Variants in HIVEP3 observed in about 807,000 individuals in gnomAD.
The protein encoded by HIVEP3 is HIVEP zinc finger 3.
A neutral mutation model predicts 152.8 loss-of-function variants in HIVEP3; 49 were observed. The ratio of observed to expected loss-of-function variants is 0.32; its 90% CI spans 0.26 to 0.41. HIVEP3 has a LOEUF of 0.41. Among genes scored for constraint, HIVEP3 ranks in the 10% least tolerant of loss-of-function variants. HIVEP3 has a pLI of 1.00. For synonymous variants in HIVEP3, 1,269 were observed against 1,289.0 expected (o/e 0.98, Z 0.33); for missense variants, 2,790 against 3,103.3 (o/e 0.90, Z 2.40).
intron 1 of HIVEP3, among the ~76,000 whole-genome samples, chr1:42,000,968 T>C (rs1480651620): frequency 6.6e-6 from 1 of 152,234 alleles, no homozygotes; most frequent in Non-Finnish European, 1.5e-5. Flanking sequence ...CTAAGTGCGT[T>C]ACATATAGTA....
At chr1:41,796,116 G>A (rs1007065039) in intron 1 of HIVEP3, among the ~76,000 whole-genome samples, 3 of 152,268 alleles carry the variant, frequency 2.0e-5, no homozygotes, top group Admixed American at 6.5e-5. Context: ...CTATCTGTAC[G>A]TATATTAAAA....
At chr1:41,570,150 G>A (rs571840727) in intron 5 of HIVEP3, among the ~76,000 whole-genome samples, 114 of 152,278 alleles carry the variant, frequency 7.5e-4, no homozygotes, top group African/African-American at 2.6e-3. Context: ...GGAAGAGCAC[G>A]GAGCCTGGGG....
chr1:41,803,486 C>T (rs1306299858), intron 1 of HIVEP3, among the ~76,000 whole-genome samples: 1 of 152,172 alleles, frequency 6.6e-6, no homozygotes. Flanking sequence ...ACAGGATTGG[C>T]CCTGACATGT....
chr1:41,908,086 G>A (rs543194817), intron 1 of HIVEP3, among the ~76,000 whole-genome samples: 1 of 151,986 alleles, frequency 6.6e-6, no homozygotes, highest in Admixed American at 6.6e-5. Context: ...CAAAAAAATA[G>A]GCATCCATAA....
chr1:41,937,015 T>C (rs991651400), intron 1 of HIVEP3, among the ~76,000 whole-genome samples: 1 of 152,196 alleles, frequency 6.6e-6, no homozygotes, highest in African/African-American at 2.4e-5. Flanking sequence ...AATAAAACAG[T>C]GCATGCTAGT....
chr1:41,643,410 A>G (rs753824361), intron 2 of HIVEP3, among the ~76,000 whole-genome samples: 6 of 152,146 alleles, frequency 3.9e-5, no homozygotes, highest in Non-Finnish European at 5.9e-5. Context: ...TCCCGTCTGT[A>G]CCCCCAGTGC....
intron 1 of HIVEP3, among the ~76,000 whole-genome samples, chr1:41,736,008 T>C (rs988436388): frequency 2.6e-5 from 4 of 152,114 alleles, no homozygotes; most frequent in Admixed American, 2.0e-4. Flanking sequence ...AAAAAATGAT[T>C]TGTGGGTGTG....
intron 1 of HIVEP3, among the ~76,000 whole-genome samples, chr1:41,711,747 C>T (rs1431476258): frequency 6.6e-6 from 1 of 152,174 alleles, no homozygotes; most frequent in Non-Finnish European, 1.5e-5. Context: ...CTGTGTTGAG[C>T]GGCCCGAGTG....
At chr1:41,834,986 T>C (rs1458376546) in intron 1 of HIVEP3, among the ~76,000 whole-genome samples, 2 of 152,018 alleles carry the variant, frequency 1.3e-5, no homozygotes, top group African/African-American at 4.8e-5. Context: ...TGGGCCACAG[T>C]GGTCATGGCA....
At chr1:41,891,484 T>C (rs1644445863) in intron 1 of HIVEP3, among the ~76,000 whole-genome samples, 1 of 152,076 alleles carries the variant, frequency 6.6e-6, no homozygotes, top group African/African-American at 2.4e-5. Flanking sequence ...CACAGCAAGG[T>C]CCATGCTGCA....
chr1:41,652,704 G>A (rs1377667783), intron 2 of HIVEP3, among the ~76,000 whole-genome samples: 1 of 152,190 alleles, frequency 6.6e-6, no homozygotes, highest in Admixed American at 6.5e-5. Context: ...CAGGCACACT[G>A]ACCAATAAAG....
At chr1:41,992,554 A>G (rs61773871) in intron 1 of HIVEP3, among the ~76,000 whole-genome samples, 5 of 149,366 alleles carry the variant, frequency 3.3e-5, no homozygotes, top group Admixed American at 1.3e-4. Flanking sequence ...AATCAATATC[A>G]TGAAAATGAC....
At chr1:41,929,407 T>C (rs1212576468) in intron 1 of HIVEP3, among the ~76,000 whole-genome samples, 4 of 152,092 alleles carry the variant, frequency 2.6e-5, no homozygotes, top group Non-Finnish European at 5.9e-5. Flanking sequence ...CCCATTGTTG[T>C]TGTTGTTGTT....
intron 1 of HIVEP3, among the ~76,000 whole-genome samples, chr1:41,843,905 C>G (rs648198): frequency 0.017 from 2,514 of 151,790 alleles, 39 homozygotes; most frequent in Non-Finnish European, 0.021. Context: ...ATCCCTCCCC[C>G]CTCCGTGTGT....
chr1:41,724,248 C>A (rs940415699), intron 1 of HIVEP3, among the ~76,000 whole-genome samples: 1 of 152,182 alleles, frequency 6.6e-6, no homozygotes, highest in Non-Finnish European at 1.5e-5. Flanking sequence ...TCTACAAATG[C>A]AGCTTCAAGA....
chr1:41,668,198 G>C (rs1004797364), intron 2 of HIVEP3, among the ~76,000 whole-genome samples: 2 of 152,240 alleles, frequency 1.3e-5, no homozygotes, highest in African/African-American at 4.8e-5. Context: ...AGACAAATGA[G>C]GCCTGAAGGA....
intron 2 of HIVEP3, among the ~76,000 whole-genome samples, chr1:41,631,893 T>C (rs1284381132): frequency 6.6e-6 from 1 of 152,124 alleles, no homozygotes; most frequent in African/African-American, 2.4e-5. Flanking sequence ...ACAAACACAA[T>C]CTACAGTTTC....
intron 5 of HIVEP3, among the ~76,000 whole-genome samples, chr1:41,563,043 G>A (rs978199995): frequency 6.6e-6 from 1 of 152,016 alleles, no homozygotes; most frequent in Non-Finnish European, 1.5e-5. Context: ...GGCATGGCAG[G>A]GGTGCCATAA....
At chr1:41,938,555 G>T (rs1294637929) in intron 1 of HIVEP3, among the ~76,000 whole-genome samples, 1 of 152,184 alleles carries the variant, frequency 6.6e-6, no homozygotes. Flanking sequence ...CACTCAAAAA[G>T]AAAGTAAGGA....
Sources: allele counts gnomAD v4.1 joint callset (sites outside exome capture counted in the v4.1 genomes callset), GRCh38; gene constraint gnomAD v4.1.1; transcripts MANE v1.5; gene names NCBI Gene and HGNC (gene_info 2026-07-23, HGNC 2026-07-21).